Variants in GALNT15 observed in about 807,000 individuals in gnomAD.
GALNT15 encodes the protein UDP-GalNAc transferase T15.
A neutral mutation model predicts 66.8 loss-of-function variants in GALNT15; 67 were observed. The ratio of observed to expected loss-of-function variants is 1.00; its 90% CI spans 0.82 to 1.23. GALNT15 has a LOEUF of 1.23. GALNT15 is among the 50% of genes most tolerant of loss of function. The pLI, the probability that GALNT15 is intolerant of heterozygous loss-of-function variation, is 0.00. For synonymous variants in GALNT15, 313 were observed against 311.5 expected, an observed-to-expected ratio of 1.00 and a Z score of -0.05; for missense variants, 827 against 804.3, an observed-to-expected ratio of 1.03 and a Z score of -0.34.
In GALNT15 at chr3:16,211,551, A is replaced by G. The variant is rs1005697247; in HGVS notation, c.1197+310A>G. 2.0e-5 allele frequency among the ~76,000 whole-genome samples: 3 copies of G among 152,170 alleles called. No individual in the cohort carries two copies. The highest frequency in any genetic ancestry group is 2.0e-4 in the Admixed American group (3 of 15,272). ...ATTCTCTATTCACAGCGCTCTTAGC[A>G]TCTTAGTAATTTTTTCACAGCACCC... On this transcript the variant is annotated intron_variant, in intron 5 of 9. Coordinates refer to ENST00000339732, the MANE Select transcript of GALNT15 (RefSeq NM_054110.5). This position sits in a 1 kb window ranked among gnomAD's most constrained non-coding sequence, Gnocchi z 4.3.
rs1429625410 is a variant in GALNT15, at chr3:16,175,448, G to A, written c.297G>A (p.Val99=). Residue 99 remains valine (V), a synonymous_variant, in exon 1 of 10, where the codon GTG becomes GTA. Coordinates refer to ENST00000339732, the MANE Select transcript of GALNT15 (RefSeq NM_054110.5). The surrounding 1 kb of genome is among the most constrained non-coding windows in gnomAD (Gnocchi z 5.6). ...SLREDQLLVA[V]ALPQARRNQS... is the part of the protein sequence containing the mutation. ...GGGAGGATCAGCTGCTGGTGGCCGTGGCCTTACCCCAGGCCAGAAGGAACC... is the reference window on the plus strand; with the variant it reads ...GGGAGGATCAGCTGCTGGTGGCCGTAGCCTTACCCCAGGCCAGAAGGAACC... 2.1e-5 allele frequency: 34 copies of A among 1,614,036 alleles called. No individual in the cohort carries two copies. The highest frequency in any genetic ancestry group is 2.7e-5 in the Non-Finnish European group (32 of 1,180,020).
Position 16,175,314 on chromosome 3 carries a change from G to A in GALNT15, c.163G>A (p.Ala55Thr), listed in dbSNP as rs2063392951. 2 of 1,614,078 alleles carry A rather than the reference G, an allele frequency of 1.2e-6. No individual in the cohort carries two copies. The highest frequency in any genetic ancestry group is 1.3e-5 in the African/African-American group (1 of 74,916). The change falls in exon 1 of 10, where the codon GCC becomes ACC. Residue 55 changes from alanine to threonine, a missense_variant. Coordinates refer to ENST00000339732, the MANE Select transcript of GALNT15 (RefSeq NM_054110.5). This position sits in a 1 kb window ranked among gnomAD's most constrained non-coding sequence, Gnocchi z 5.6. ...CCAAGCCAGCAAGCACAGCCCTGAA[G>A]CCAGGTACCGCCTGGACTTTGGGGA... ...TAQASKHSPEARYRLDFGESQ... is the reference protein window; with the variant it reads ...TAQASKHSPETRYRLDFGESQ...
At chr3:16,178,885 C>G (rs899537906) in intron 1 of GALNT15, among the ~76,000 whole-genome samples, 1 of 152,198 alleles carries the variant, frequency 6.6e-6, no homozygotes, top group African/African-American at 2.4e-5. Flanking sequence ...GCCACACATC[C>G]CCTTGCAATT....
At position 16,219,995 on chromosome 3, in the gene GALNT15, G is replaced by A. The variant is rs1453347719; in HGVS notation, c.1610G>A (p.Ser537Asn). The A allele has an allele frequency of 1.3e-5, 21 of 1,613,998 alleles. No homozygotes were observed. Among genetic ancestry groups the A allele is most frequent in the Non-Finnish European group, 1.7e-5 (20 of 1,179,934 alleles). ...TGTCCCATGGTGTTGGCTCCTTGCA[G>A]TGACAGCCGGCAGCAACAGGTGGGT... ...LGCPMVLAPC[S>N]DSRQQQYLQH... Residue 537 changes from serine (S) to asparagine (N), a missense_variant, in exon 8 of 10, where the codon AGT becomes AAT. Coordinates refer to ENST00000339732, the MANE Select transcript of GALNT15 (RefSeq NM_054110.5). This position sits in a 1 kb window ranked among gnomAD's most constrained non-coding sequence, Gnocchi z 4.3.
the GALNT15 span, among the ~76,000 whole-genome samples, chr3:16,241,310 T>C: frequency 6.6e-6 from 1 of 152,136 alleles, no homozygotes; most frequent in Admixed American, 6.6e-5. This position sits in a 1 kb window ranked among gnomAD's most constrained non-coding sequence, Gnocchi z 4.6. Context: ...CTTTCTTTTG[T>C]GCCTAGAAAC....
chr3:16,185,886 T>C (rs2063512000), intron 1 of GALNT15, among the ~76,000 whole-genome samples: 1 of 152,184 alleles, frequency 6.6e-6, no homozygotes, highest in African/African-American at 2.4e-5. Context: ...ATCTTAAAAA[T>C]GGGAAAGTGT....
In GALNT15 at chr3:16,227,755, A is replaced by G. The variant is rs963505451; in HGVS notation, c.*255A>G. 1.5e-6 allele frequency: 2 copies of G among 1,307,602 alleles called. No homozygotes were observed. Among genetic ancestry groups the G allele is most frequent in the Non-Finnish European group, 1.9e-6 (2 of 1,028,388 alleles). 81.0% of individuals were successfully genotyped at this position (1,307,602 alleles called of 1,614,324 possible). ...TTCATCACTGGGAAATGATTATTACATAGTACAGAAGATTCTTTGTTTTTC... is the reference window on the plus strand; with the variant it reads ...TTCATCACTGGGAAATGATTATTACGTAGTACAGAAGATTCTTTGTTTTTC... On this transcript the variant is annotated 3_prime_UTR_variant, in exon 10 of 10. Transcript: ENST00000339732. The surrounding 1 kb of genome is among the most constrained non-coding windows in gnomAD (Gnocchi z 4.5).
Position 16,200,917 on chromosome 3 carries a change from C to T in GALNT15, c.911+94C>T, listed in dbSNP as rs1306736293. 2 of 911,054 alleles carry T rather than the reference C, an allele frequency of 2.2e-6. No homozygotes were observed. Among genetic ancestry groups the T allele is most frequent in the Middle Eastern group, 3.5e-4 (1 of 2,872 alleles). 56.4% of individuals were successfully genotyped at this position (911,054 alleles called of 1,614,324 possible). A position where few individuals can be genotyped will look rare whatever the true frequency, so the allele number is the denominator to read the frequency against. On this transcript the variant is annotated intron_variant, in intron 3 of 9. Coordinates refer to ENST00000339732, the MANE Select transcript of GALNT15 (RefSeq NM_054110.5). The surrounding 1 kb of genome is among the most constrained non-coding windows in gnomAD (Gnocchi z 4.4). ...TCACAGAGCAACCCACCTATTAATTCCTGAATCTCCATTAGAGAGTGATAT... is the reference window on the plus strand; with the variant it reads ...TCACAGAGCAACCCACCTATTAATTTCTGAATCTCCATTAGAGAGTGATAT...
At position 16,175,054 on chromosome 3, in the gene GALNT15, G is replaced by C; in HGVS notation, c.-98G>C. The C allele has an allele frequency of 8.2e-7, 1 of 1,225,550 alleles. No individual in the cohort carries two copies. The highest frequency in any genetic ancestry group is 1.1e-6 in the Non-Finnish European group (1 of 876,270). 75.9% of individuals were successfully genotyped at this position (1,225,550 alleles called of 1,614,324 possible). A position where few individuals can be genotyped will look rare whatever the true frequency, so the allele number is the denominator to read the frequency against. On this transcript the variant is annotated 5_prime_UTR_variant, in exon 1 of 10. Transcript: ENST00000339732. This position sits in a 1 kb window ranked among gnomAD's most constrained non-coding sequence, Gnocchi z 5.6. ...TGACTGGCAGAAAAACTTCCAGGTG[G>C]AACAAGCAACCCAGGTTCTGCTGCA...
Position 16,209,997 on chromosome 3 carries a change from T to C in GALNT15, c.1080-1127T>C, listed in dbSNP as rs1009876395. 1.3e-5 allele frequency among the ~76,000 whole-genome samples: 2 copies of C among 152,218 alleles called. No individual in the cohort carries two copies. The highest frequency in any genetic ancestry group is 4.8e-5 in the African/African-American group (2 of 41,458). ...AGTGCCGGGCAGACCCCACTAGGAC[T>C]GATGTGTGGTATACGATGTATGTCC... On this transcript the variant is annotated intron_variant, in intron 4 of 9. Transcript: ENST00000339732. This position sits in a 1 kb window ranked among gnomAD's most constrained non-coding sequence, Gnocchi z 4.1.
chr3:16,203,947 A>G lies in GALNT15; in HGVS notation c.911+3124A>G, dbSNP rs1230432710. On this transcript the variant is annotated intron_variant, in intron 3 of 9. Transcript: ENST00000339732. This position sits in a 1 kb window ranked among gnomAD's most constrained non-coding sequence, Gnocchi z 6.2. ...ATTTGGTGCAGCTCCTCACATGGAG[A>G]GGAGAGGGGGCCCAGCTGTCTCCAA... Among the ~76,000 whole-genome samples, 1 of 151,858 alleles carries G rather than the reference A, an allele frequency of 6.6e-6. No individual in the cohort carries two copies. Among genetic ancestry groups the G allele is most frequent in the African/African-American group, 2.4e-5 (1 of 41,314 alleles).
chr3:16,246,181 C>T, the GALNT15 span, among the ~76,000 whole-genome samples: 3 of 152,118 alleles, frequency 2.0e-5, no homozygotes, highest in Admixed American at 6.6e-5. Context: ...GCAAATCCCT[C>T]GCAAGTTGGC....
Position 16,209,606 on chromosome 3 carries a change from C to T in GALNT15, c.1079+936C>T, listed in dbSNP as rs1165414233. Among the ~76,000 whole-genome samples, 2 of 152,036 alleles carry T rather than the reference C, an allele frequency of 1.3e-5. No homozygotes were observed. The highest frequency in any genetic ancestry group is 2.4e-5 in the African/African-American group (1 of 41,372). ...GCAGAGGCGGGCTGATCACTCGAGG[C>T]CAGGAGTTCGAGACCAACCTGGCCA... is the stretch of plus-strand genomic sequence containing the variant. On this transcript the variant is annotated intron_variant, in intron 4 of 9. Transcript: ENST00000339732. The surrounding 1 kb of genome is among the most constrained non-coding windows in gnomAD (Gnocchi z 4.1).
intron 9 of GALNT15, among the ~76,000 whole-genome samples, chr3:16,226,977 CA>C (rs2064027150): frequency 6.6e-6 from 1 of 152,162 alleles, no homozygotes; most frequent in South Asian, 2.1e-4. Context: ...GCAGGATTAA[CA>C]GAAGGTAAAG....
At position 16,219,260 on chromosome 3, in the gene GALNT15, A is replaced by T; in HGVS notation, c.1393-143A>T. On this transcript the variant is annotated intron_variant, in intron 6 of 9. Coordinates refer to ENST00000339732, the MANE Select transcript of GALNT15 (RefSeq NM_054110.5). This position sits in a 1 kb window ranked among gnomAD's most constrained non-coding sequence, Gnocchi z 4.3. ...CTTCTCCCAACACATGACCCTCCCC[A>T]CTGCAGCCCTGGAGAACTGTGGTCT... 1.1e-6 allele frequency: 1 copy of T among 952,280 alleles called. No individual in the cohort carries two copies. The highest frequency in any genetic ancestry group is 1.6e-6 in the Non-Finnish European group (1 of 626,640). 59.0% of individuals were successfully genotyped at this position (952,280 alleles called of 1,614,324 possible).
intron 6 of GALNT15, among the ~76,000 whole-genome samples, chr3:16,216,497 T>TC (rs2063879748): frequency 4.9e-5 from 2 of 40,676 alleles, no homozygotes; most frequent in Admixed American, 6.0e-4. Context: ...AGACTCTGTC[T>TC]CGGGAAAAAA....
In GALNT15 at chr3:16,200,941, A is replaced by C. The variant is rs1224546781; in HGVS notation, c.911+118A>C. 1 of 738,804 alleles carries C rather than the reference A, an allele frequency of 1.4e-6. No individual in the cohort carries two copies. The allele number at this position is 738,804 out of a possible 1,614,324, so 45.8% of individuals were successfully genotyped here. On this transcript the variant is annotated intron_variant, in intron 3 of 9. Coordinates refer to ENST00000339732, the MANE Select transcript of GALNT15 (RefSeq NM_054110.5). The surrounding 1 kb of genome is among the most constrained non-coding windows in gnomAD (Gnocchi z 4.4). ...TCCTGAATCTCCATTAGAGAGTGAT[A>C]TATTCCCTTCGGGTTTTCAGATGTG...
chr3:16,213,407 A>G (rs1174153664), intron 6 of GALNT15, among the ~76,000 whole-genome samples: 2 of 137,426 alleles, frequency 1.5e-5, no homozygotes, highest in African/African-American at 5.5e-5. Flanking sequence ...GTGAGCTGAG[A>G]TCACGCCACT....
At chr3:16,214,507 T>C (rs1317295597) in intron 6 of GALNT15, among the ~76,000 whole-genome samples, 1 of 152,218 alleles carries the variant, frequency 6.6e-6, no homozygotes, top group South Asian at 2.1e-4. Context: ...TAAGCCCTGC[T>C]TGTGTGTTTA....
Sources: gnomAD v4.1 joint callset for allele counts (sites outside exome capture counted in the v4.1 genomes callset) on GRCh38, gnomAD v4.1.1 for gene constraint, Gnocchi (gnomAD v3.1) non-coding constraint, MANE v1.5 for transcripts, NCBI Gene and HGNC (gene_info 2026-07-23, HGNC 2026-07-21) for gene names.